The following BMF variants were observed in gnomAD, a reference collection of about 807,000 sequenced individuals.
The protein encoded by BMF is Bcl2 modifying factor, also known as bcl-2-modifying factor.
A neutral mutation model predicts 22.0 loss-of-function variants in BMF; 10 were observed. The observed-to-expected ratio is 0.45, with a 90% confidence interval of 0.28 to 0.77. BMF has a LOEUF of 0.77. Ranked by LOEUF, BMF falls within the 30% of genes least tolerant of loss-of-function variation. The pLI is 0.13. For synonymous variants in BMF, 87 were observed against 88.1 expected, an observed-to-expected ratio of 0.99 and a Z score of 0.07; for missense variants, 206 against 226.8, an observed-to-expected ratio of 0.91 and a Z score of 0.59.
chr15:40,102,407 C>T (rs1190751705), intron 4 of BMF, among the ~76,000 whole-genome samples: 8 of 104,414 alleles, frequency 7.7e-5, no homozygotes, highest in Admixed American at 1.2e-4. Context: ...CCAGCCTGGG[C>T]GAAAGAGCCA....
rs147510516 is a variant in BMF, at chr15:40,091,454, A to G, written c.*333T>C. The stretch of plus-strand genomic sequence containing the variant: ...AAAAACCACAGTCCACTTCCCAGAG[A>G]ACATCACTAACGGATCATCTTCGAC... On this transcript the variant is annotated 3_prime_UTR_variant, in exon 5 of 5. Coordinates refer to ENST00000354670, the MANE Select transcript of BMF (RefSeq NM_001003940.2). 248 of 219,298 alleles carry G rather than the reference A, an allele frequency of 1.1e-3. 3 individuals carry two copies. Among genetic ancestry groups the G allele is most frequent in the African/African-American group, 5.6e-3 (247 of 43,978 alleles). 13.6% of individuals were successfully genotyped at this position (219,298 alleles called of 1,614,324 possible). A position where few individuals can be genotyped will look rare whatever the true frequency, so the allele number is the denominator to read the frequency against.
rs2036588076 is a variant in BMF at position 40,106,381 on chromosome 15, T to C, written c.-5-290A>G. ...ACCTAGGCCGGTCACAAAGTTTGAC[T>C]CTGAGGGTTGTGAGCAATAGCAGGA... is the stretch of plus-strand genomic sequence containing the variant. On this transcript the variant is annotated intron_variant, in intron 2 of 4. Transcript: ENST00000354670. This position sits in a 1 kb window ranked among gnomAD's most constrained non-coding sequence, Gnocchi z 4.1. The C allele has an allele frequency of 6.1e-6, 2 of 326,310 alleles. No individual in the cohort carries two copies. Among genetic ancestry groups the C allele is most frequent in the South Asian group, 1.4e-4 (2 of 14,128 alleles). The allele number at this position is 326,310 out of a possible 1,614,324, so 20.2% of individuals were successfully genotyped here. A position where few individuals can be genotyped will look rare whatever the true frequency, so the allele number is the denominator to read the frequency against.
chr15:40,090,730 G>A lies in BMF; in HGVS notation c.*1057C>T, dbSNP rs2036215745. The A allele has an allele frequency of 6.6e-6, 1 of 152,240 alleles. No homozygotes were observed. Among genetic ancestry groups the A allele is most frequent in the African/African-American group, 2.4e-5 (1 of 41,456 alleles). 9.4% of individuals were successfully genotyped at this position (152,240 alleles called of 1,614,324 possible). A position where few individuals can be genotyped will look rare whatever the true frequency, so the allele number is the denominator to read the frequency against. ...TCCTGGCTTCTTCTGTATCCCACTA[G>A]GTATGAAAAAGGACTGGGGATAAGG... On this transcript the variant is annotated 3_prime_UTR_variant, in exon 5 of 5. Transcript: ENST00000354670.
chr15:40,102,341 A>ATCGCT (rs2036493928), intron 4 of BMF, among the ~76,000 whole-genome samples: 1 of 150,612 alleles, frequency 6.6e-6, no homozygotes, highest in Admixed American at 6.7e-5. Flanking sequence ...AGGCAGGAGA[A>ATCGCT]TCGCTTGAAC....
In BMF at chr15:40,105,906, G is replaced by A. The variant is rs760130188; in HGVS notation, c.181C>T (p.Arg61Ter). 4.3e-6 allele frequency: 7 copies of A among 1,614,116 alleles called. No individual in the cohort carries two copies. Among genetic ancestry groups the A allele is most frequent in the African/African-American group, 1.3e-5 (1 of 75,036 alleles). The change falls in exon 3 of 5, where the codon CGA becomes TGA. Residue 61 changes from arginine (R) to a stop codon, truncating the protein, a stop_gained. Coordinates refer to ENST00000354670, the MANE Select transcript of BMF (RefSeq NM_001003940.2). LOFTEE classifies it high-confidence loss of function. ...GCTTTGTCTTCCTGGCTGGTGGGTCGAAGGCCAGGGCCACAGCAGTGGGTG... is the reference window on the plus strand; with the variant it reads ...GCTTTGTCTTCCTGGCTGGTGGGTCAAAGGCCAGGGCCACAGCAGTGGGTG... ...PLTHCCGPGL[R>*]PTSQEDKATQ...
At chr15:40,102,994 A>C (rs533565467) in intron 4 of BMF, among the ~76,000 whole-genome samples, 80 of 152,290 alleles carry the variant, frequency 5.3e-4, no homozygotes, top group African/African-American at 1.9e-3. Flanking sequence ...CTGTCCTTAG[A>C]ACTCCTTGGC....
chr15:40,095,096 G>A (rs2036328702), intron 4 of BMF, among the ~76,000 whole-genome samples: 1 of 152,198 alleles, frequency 6.6e-6, no homozygotes, highest in Non-Finnish European at 1.5e-5. Flanking sequence ...TCTGTCAGCT[G>A]AGTGTAGGGC....
chr15:40,088,017 A>C lies in BMF; in HGVS notation c.*3770T>G, dbSNP rs2140979701. ...AAGGCTCTGTACAGTTTTTTAAAAA[A>C]TGGGGCCCCTTTCTTCTTCCTCTCT... On this transcript the variant is annotated 3_prime_UTR_variant, in exon 5 of 5. Coordinates refer to ENST00000354670, the MANE Select transcript of BMF (RefSeq NM_001003940.2). 1 of 152,680 alleles carries C rather than the reference A, an allele frequency of 6.5e-6. No individual in the cohort carries two copies. The highest frequency in any genetic ancestry group is 6.5e-5 in the Admixed American group (1 of 15,308). 9.5% of individuals were successfully genotyped at this position (152,680 alleles called of 1,614,324 possible).
intron 4 of BMF, among the ~76,000 whole-genome samples, chr15:40,100,768 C>G (rs182241718): frequency 1.3e-5 from 2 of 152,312 alleles, no homozygotes; most frequent in East Asian, 3.9e-4. Context: ...GCATCTGGAG[C>G]CAGGTCGATA....
chr15:40,107,151 A>C (rs189312838), intron 2 of BMF, among the ~76,000 whole-genome samples: 1 of 152,200 alleles, frequency 6.6e-6, no homozygotes, highest in Non-Finnish European at 1.5e-5. Flanking sequence ...CTCCCTACAC[A>C]TACCAGGAAC....
At position 40,091,231 on chromosome 15, in the gene BMF, G is replaced by C. The variant is rs2036224045; in HGVS notation, c.*556C>G. 1 of 152,916 alleles carries C rather than the reference G, an allele frequency of 6.5e-6. No individual in the cohort carries two copies. Among genetic ancestry groups the C allele is most frequent in the African/African-American group, 2.4e-5 (1 of 41,454 alleles). The allele number at this position is 152,916 out of a possible 1,614,324, so 9.5% of individuals were successfully genotyped here. A position where few individuals can be genotyped will look rare whatever the true frequency, so the allele number is the denominator to read the frequency against. On this transcript the variant is annotated 3_prime_UTR_variant, in exon 5 of 5. Coordinates refer to ENST00000354670, the MANE Select transcript of BMF (RefSeq NM_001003940.2). ...GGGGCAGGTACTGGCTGAGAAGTAA[G>C]AACCCAGTCAGATGTGGAGCTGGCC...
At position 40,104,201 on chromosome 15, in the gene BMF, G is replaced by C. The variant is rs751650029; in HGVS notation, c.432C>G (p.Phe144Leu). ...ARKLQCIADQ[F>L]HRLHVQQHQQ... ...CTACTTGCTGCACATGAAGCCGGTG[G>C]AACTGGTCTGCAATGCACTGAAGCT... The change falls in exon 4 of 5, where the codon TTC (phenylalanine) becomes TTG (leucine). Residue 144 changes from phenylalanine to leucine, a missense_variant. Transcript: ENST00000354670. 6 of 1,614,212 alleles carry C rather than the reference G, an allele frequency of 3.7e-6. No individual in the cohort carries two copies. The highest frequency in any genetic ancestry group is 4.2e-6 in the Non-Finnish European group (5 of 1,180,036).
Position 40,105,838 on chromosome 15 carries a change from C to T in BMF, c.249G>A (p.Met83Ile). 3 of 1,613,756 alleles carry T rather than the reference C, an allele frequency of 1.9e-6. No homozygotes were observed. The highest frequency in any genetic ancestry group is 2.5e-6 in the Non-Finnish European group (3 of 1,179,856). The change falls in exon 3 of 5, where the codon ATG (methionine) becomes ATA (isoleucine). Residue 83 changes from methionine to isoleucine, a missense_variant. Physicochemically the swap from Met to Ile is conservative, Grantham distance 10. Coordinates refer to ENST00000354670, the MANE Select transcript of BMF (RefSeq NM_001003940.2). Reference sequence around the variant, plus strand: ...GTTCCTCAGTCACCCCACAAGGCAGCATGACACCTTGGCTGGGGGAGGCTG... The same window carrying T: ...GTTCCTCAGTCACCCCACAAGGCAGTATGACACCTTGGCTGGGGGAGGCTG... Reference protein sequence around the residue: ...LSPASPSQGVMLPCGVTEEPQ... With the variant: ...LSPASPSQGVILPCGVTEEPQ...
At position 40,106,072 on chromosome 15, in the gene BMF, C is replaced by A. The variant is rs1239633107; in HGVS notation, c.15G>T (p.Gln5His). The change falls in exon 3 of 5, where the codon CAG (glutamine) becomes CAT (histidine). Residue 5 changes from glutamine (Q) to histidine (H), a missense_variant. Physicochemically the swap from Gln to His is conservative, Grantham distance 24. Coordinates refer to ENST00000354670, the MANE Select transcript of BMF (RefSeq NM_001003940.2). The surrounding 1 kb of genome is among the most constrained non-coding windows in gnomAD (Gnocchi z 4.1). Reference sequence around the variant, plus strand: ...CATCATCCTCCAGCTCCTCCACACACTGAGATGGCTCCATCTCTCCTGTGA... The same window carrying A: ...CATCATCCTCCAGCTCCTCCACACAATGAGATGGCTCCATCTCTCCTGTGA... MEPS[Q>H]CVEELEDDVF... is the part of the protein sequence containing the mutation. 6.2e-7 allele frequency: 1 copy of A among 1,604,660 alleles called. No individual in the cohort carries two copies. The highest frequency in any genetic ancestry group is 8.5e-7 in the Non-Finnish European group (1 of 1,175,098).
At chr15:40,096,364 T>C (rs2141012751) in intron 4 of BMF, among the ~76,000 whole-genome samples, 1 of 152,230 alleles carries the variant, frequency 6.6e-6, no homozygotes, top group Admixed American at 6.5e-5. Context: ...GTCACCAGTG[T>C]TCCAGATGCT....
chr15:40,092,036 G>A, intron 4 of BMF, 148 bp from the exon 5 acceptor site: 1 of 633,888 alleles, frequency 1.6e-6, no homozygotes, highest in South Asian at 2.0e-5. Context: ...GGAGGAGGGG[G>A]AGGTGAAAGA....
At chr15:40,107,533 A>AGTGTGTGTGTGTGTGTGT (rs58296260) in intron 2 of BMF, among the ~76,000 whole-genome samples, 2 of 137,416 alleles carry the variant, frequency 1.5e-5, no homozygotes, top group Admixed American at 7.2e-5. Context: ...GTGTTTCCCA[A>AGTGTGTGTGTGTGTGTGT]GTGTGTGTGT....
chr15:40,091,761 C>T lies in BMF; in HGVS notation c.*26G>A. The T allele has an allele frequency of 1.3e-6, 2 of 1,531,850 alleles. No individual in the cohort carries two copies. The highest frequency in any genetic ancestry group is 1.8e-6 in the Non-Finnish European group (2 of 1,115,318). 94.9% of individuals were successfully genotyped at this position (1,531,850 alleles called of 1,614,324 possible). On this transcript the variant is annotated 3_prime_UTR_variant, in exon 5 of 5. Transcript: ENST00000354670. The stretch of plus-strand genomic sequence containing the variant: ...CCTGTTCCAGACGGTGTTCCTGGTG[C>T]CCCATGTGAAGAGGGCAGCCCACCC...
chr15:40,094,746 A>G (rs1298415291), intron 4 of BMF, among the ~76,000 whole-genome samples: 1 of 152,238 alleles, frequency 6.6e-6, no homozygotes, highest in East Asian at 1.9e-4. Context: ...TTTAGAGATC[A>G]GAAATCATTT....
Sources: allele counts gnomAD v4.1 joint callset (sites outside exome capture counted in the v4.1 genomes callset), GRCh38; gene constraint gnomAD v4.1.1; non-coding constraint Gnocchi (gnomAD v3.1); transcripts MANE v1.5; gene names NCBI Gene and HGNC (gene_info 2026-07-23, HGNC 2026-07-21).